Variants in TRMU observed in about 807,000 individuals in gnomAD.
The protein encoded by TRMU is mitochondrial tRNA-specific 2-thiouridylase 1.
A neutral mutation model predicts 46.9 loss-of-function variants in TRMU; 49 were observed. The ratio of observed to expected loss-of-function variants is 1.05; its 90% CI spans 0.83 to 1.33. The LOEUF (loss-of-function observed/expected upper bound fraction) is 1.33, where lower values mean the gene tolerates loss of function less well. Ranked by LOEUF, TRMU falls within the 40% of genes most tolerant of loss-of-function variation. TRMU has a pLI of 0.00. For missense variants in TRMU, 572 were observed against 532.4 expected (o/e 1.07, Z -0.73); for synonymous variants, 241 against 200.9 (o/e 1.20, Z -1.69).
chr22:46,341,219 G>C (rs1204301222), intron 2 of TRMU, among the ~76,000 whole-genome samples: 1 of 152,228 alleles, frequency 6.6e-6, no homozygotes, highest in Non-Finnish European at 1.5e-5. Context: ...AGGGTTAACA[G>C]TGTGTCTTTT....
chr22:46,344,546 TC>T (rs2078203088), intron 3 of TRMU, among the ~76,000 whole-genome samples: 1 of 152,158 alleles, frequency 6.6e-6, no homozygotes, highest in African/African-American at 2.4e-5. Context: ...GAGAAAGAGT[TC>T]CCTGAGGTGG....
Position 46,338,288 on chromosome 22 carries a change from A to G in TRMU, c.248+344A>G. 1 of 338,598 alleles carries G rather than the reference A, an allele frequency of 3.0e-6. No individual in the cohort carries two copies. The highest frequency in any genetic ancestry group is 5.8e-6 in the Non-Finnish European group (1 of 173,772). 21.0% of individuals were successfully genotyped at this position (338,598 alleles called of 1,614,324 possible). A position where few individuals can be genotyped will look rare whatever the true frequency, so the allele number is the denominator to read the frequency against. ...AGGTGAGCACCAATGCCTGTGTGCT[A>G]TGTGGGTCAGCGATTAGGGGATTTC... On this transcript the variant is annotated intron_variant, in intron 2 of 10. Coordinates refer to ENST00000645190, the MANE Select transcript of TRMU (RefSeq NM_018006.5). The surrounding 1 kb of genome is among the most constrained non-coding windows in gnomAD (Gnocchi z 4.5).
In TRMU at chr22:46,350,532, G is replaced by A. The variant is rs1344891747; in HGVS notation, c.651+69G>A. ...CCCGACTGCATGGCACGGAGCAGCT[G>A]GACCTGTGGGTCCCGCACCACTTCC... On this transcript the variant is annotated intron_variant, in intron 5 of 10. Transcript: ENST00000645190. This position sits in a 1 kb window ranked among gnomAD's most constrained non-coding sequence, Gnocchi z 4.6. 1 of 1,582,298 alleles carries A rather than the reference G, an allele frequency of 6.3e-7. No individual in the cohort carries two copies. Among genetic ancestry groups the A allele is most frequent in the Non-Finnish European group, 8.7e-7 (1 of 1,154,460 alleles).
chr22:46,346,280 A>C (rs748046660), intron 3 of TRMU, 142 bp from the exon 4 acceptor site: 308 of 969,222 alleles, frequency 3.2e-4, no homozygotes, highest in Non-Finnish European at 4.0e-4. Flanking sequence ...TGGGATCTCT[A>C]TGTTTGGGTG....
chr22:46,344,228 A>G (rs1601950637), intron 3 of TRMU, among the ~76,000 whole-genome samples: 1 of 152,192 alleles, frequency 6.6e-6, no homozygotes, highest in African/African-American at 2.4e-5. Context: ...AGGTGCCCCC[A>G]GGCTGACTGA....
At position 46,345,367 on chromosome 22, in the gene TRMU, C is replaced by T. The variant is rs530223059; in HGVS notation, c.356-1055C>T. ...GGGATGACAGGCGTGAGCCGCTGCG[C>T]CTGGCCCAAATATCTGGAATTTTTA... On this transcript the variant is annotated intron_variant, in intron 3 of 10. Coordinates refer to ENST00000645190, the MANE Select transcript of TRMU (RefSeq NM_018006.5). Among the ~76,000 whole-genome samples, 141 of 152,320 alleles carry T rather than the reference C, an allele frequency of 9.3e-4. No homozygotes were observed. The Middle Eastern group carries it at 0.017, about 18-fold the overall frequency.
Position 46,349,570 on chromosome 22 carries a change from T to A in TRMU, c.479-721T>A, listed in dbSNP as rs1246516640. ...AAAGAAGCCAGAAAACTGACGTTCG[T>A]CTTAGTTTTTTGCCATTGATCATTG... On this transcript the variant is annotated intron_variant, in intron 4 of 10. Coordinates refer to ENST00000645190, the MANE Select transcript of TRMU (RefSeq NM_018006.5). The surrounding 1 kb of genome is among the most constrained non-coding windows in gnomAD (Gnocchi z 4.6). Among the ~76,000 whole-genome samples the A allele has an allele frequency of 2.0e-5, 3 of 152,208 alleles. No individual in the cohort carries two copies. The highest frequency in any genetic ancestry group is 4.4e-5 in the Non-Finnish European group (3 of 68,030).
Position 46,347,476 on chromosome 22 carries a change from C to T in TRMU, c.478+932C>T, listed in dbSNP as rs1483047331. Reference sequence around the variant, plus strand: ...AAGTGATCCTCCCACCTCAGCCCCACCAAGTAGCTGGGACCACAGGTGTGC... The same window carrying T: ...AAGTGATCCTCCCACCTCAGCCCCATCAAGTAGCTGGGACCACAGGTGTGC... On this transcript the variant is annotated intron_variant, in intron 4 of 10. Coordinates refer to ENST00000645190, the MANE Select transcript of TRMU (RefSeq NM_018006.5). This position sits in a 1 kb window ranked among gnomAD's most constrained non-coding sequence, Gnocchi z 5.0. 6.6e-6 allele frequency: 1 copy of T among 152,212 alleles called. No individual in the cohort carries two copies. The highest frequency in any genetic ancestry group is 1.5e-5 in the Non-Finnish European group (1 of 68,088). The allele number at this position is 152,212 out of a possible 1,614,324, so 9.4% of individuals were successfully genotyped here.
chr22:46,351,953 G>A lies in TRMU; in HGVS notation c.652-168G>A, dbSNP rs2078439789. 6 of 781,872 alleles carry A rather than the reference G, an allele frequency of 7.7e-6. No homozygotes were observed. The highest frequency in any genetic ancestry group is 3.4e-5 in the African/African-American group (2 of 59,274). The allele number at this position is 781,872 out of a possible 1,614,324, so 48.4% of individuals were successfully genotyped here. A position where few individuals can be genotyped will look rare whatever the true frequency, so the allele number is the denominator to read the frequency against. On this transcript the variant is annotated intron_variant, in intron 5 of 10. Transcript: ENST00000645190. This position sits in a 1 kb window ranked among gnomAD's most constrained non-coding sequence, Gnocchi z 6.4. ...TCTCTAAGGCTCTGGCATCGTGTGC[G>A]CCGGCTGTGACTGGCGGCCGAGGGT...
In TRMU at chr22:46,337,935, A is replaced by T. The variant is rs1044953310; in HGVS notation, c.239A>T (p.Asp80Val). Residue 80 changes from aspartate (D) to valine (V), a missense_variant, in exon 2 of 11, where the codon GAT (aspartate) becomes GTT (valine). By Grantham distance (152) the Asp-to-Val change is radical. Coordinates refer to ENST00000645190, the MANE Select transcript of TRMU (RefSeq NM_018006.5). ...QVSYVKEYWN[D>V]VFSDFLNEYE... is the part of the protein sequence containing the mutation. ...TCCTACGTAAAGGAGTATTGGAATGATGTGTTCAGGTGAGTGCGGGTCACA... is the reference window on the plus strand; with the variant it reads ...TCCTACGTAAAGGAGTATTGGAATGTTGTGTTCAGGTGAGTGCGGGTCACA... 6.2e-7 allele frequency: 1 copy of T among 1,614,174 alleles called. No individual in the cohort carries two copies. The highest frequency in any genetic ancestry group is 2.2e-5 in the East Asian group (1 of 44,882).
At position 46,349,762 on chromosome 22, in the gene TRMU, A is replaced by C. The variant is rs971656650; in HGVS notation, c.479-529A>C. On this transcript the variant is annotated intron_variant, in intron 4 of 10. Transcript: ENST00000645190. This position sits in a 1 kb window ranked among gnomAD's most constrained non-coding sequence, Gnocchi z 4.6. ...AGACTCTCAACAAAAAAACGTTTTT[A>C]CCAAGAAAGCTAATGCCTTCACAGG... is the stretch of plus-strand genomic sequence containing the variant. 2.0e-5 allele frequency among the ~76,000 whole-genome samples: 3 copies of C among 152,238 alleles called. No individual in the cohort carries two copies. Among genetic ancestry groups the C allele is most frequent in the Admixed American group, 1.3e-4 (2 of 15,286 alleles).
At chr22:46,346,388 A>G in intron 3 of TRMU, 34 bp from the exon 4 acceptor site, 2 of 1,607,036 alleles carry the variant, frequency 1.2e-6, no homozygotes, top group Non-Finnish European at 1.7e-6. Context: ...GTATGAGTCT[A>G]AAACCTGATC....
intron 2 of TRMU, among the ~76,000 whole-genome samples, chr22:46,341,623 A>G (rs985097749): frequency 6.6e-5 from 10 of 152,174 alleles, no homozygotes; most frequent in African/African-American, 2.4e-4. Flanking sequence ...TAAATGAAAA[A>G]AATCACTTAT....
rs755535065 is a variant in TRMU, at chr22:46,356,007, C to CTCAA, written c.1041_1044dup (p.Asp349SerfsTer58). On this transcript the variant is annotated frameshift_variant, in exon 10 of 11. Coordinates refer to ENST00000645190, the MANE Select transcript of TRMU (RefSeq NM_018006.5). LOFTEE classifies it high-confidence loss of function. Reference sequence around the variant, plus strand: ...CTACCCAGTGCCCTGTGTGCTGACCCTCAATCAAGATGGCACCGTGTGGGT... The same window carrying CTCAA: ...CTACCCAGTGCCCTGTGTGCTGACCCTCAATCAATCAAGATGGCACCGTGTGGGT... 3 of 1,613,998 alleles carry CTCAA rather than the reference C, an allele frequency of 1.9e-6. No homozygotes were observed. The Admixed American group carries it at 5.0e-5, about 27-fold the overall frequency.
chr22:46,340,885 C>T (rs936987030), intron 2 of TRMU, among the ~76,000 whole-genome samples: 4 of 152,248 alleles, frequency 2.6e-5, no homozygotes, highest in African/African-American at 7.2e-5. Flanking sequence ...GGGCTGCCCC[C>T]GAGGTCGCCC....
At position 46,346,672 on chromosome 22, in the gene TRMU, G is replaced by A. The variant is rs191207067; in HGVS notation, c.478+128G>A. The stretch of plus-strand genomic sequence containing the variant: ...TCTGTGCTCCAGAGTAGCTTGTATG[G>A]GATTCACATTTGAAAAGGTGCAGTT... On this transcript the variant is annotated intron_variant, in intron 4 of 10. Coordinates refer to ENST00000645190, the MANE Select transcript of TRMU (RefSeq NM_018006.5). 41 of 1,174,146 alleles carry A rather than the reference G, an allele frequency of 3.5e-5. No homozygotes were observed. In the Admixed American group the frequency reaches 7.6e-4, roughly 22 times the overall value. 72.7% of individuals were successfully genotyped at this position (1,174,146 alleles called of 1,614,324 possible). A position where few individuals can be genotyped will look rare whatever the true frequency, so the allele number is the denominator to read the frequency against.
At position 46,355,462 on chromosome 22, in the gene TRMU, C is replaced by T. The variant is rs1200326913; in HGVS notation, c.892C>T (p.Pro298Ser). Reference sequence around the variant, plus strand: ...TCTGCAGGCCCCCCGGACAGACCACCCAGCCCTGTACAGGGACCTGCTGAG... The same window carrying T: ...TCTGCAGGCCCCCCGGACAGACCACTCAGCCCTGTACAGGGACCTGCTGAG... ...DVFVAPRTDHPALYRDLLRTS... is the reference protein window; with the variant it reads ...DVFVAPRTDHSALYRDLLRTS... The change falls in exon 9 of 11, where the codon CCA (proline) becomes TCA (serine). Residue 298 changes from proline to serine, a missense_variant. Physicochemically the swap from Pro to Ser is moderately conservative, Grantham distance 74. Transcript: ENST00000645190. 2 of 1,612,828 alleles carry T rather than the reference C, an allele frequency of 1.2e-6. No homozygotes were observed. Among genetic ancestry groups the T allele is most frequent in the East Asian group, 2.2e-5 (1 of 44,878 alleles).
rs1287630388 is a variant in TRMU, at chr22:46,348,223, T to A, written c.478+1679T>A. 1.3e-5 allele frequency among the ~76,000 whole-genome samples: 2 copies of A among 152,192 alleles called. No homozygotes were observed. Among genetic ancestry groups the A allele is most frequent in the African/African-American group, 4.8e-5 (2 of 41,442 alleles). On this transcript the variant is annotated intron_variant, in intron 4 of 10. Transcript: ENST00000645190. The surrounding 1 kb of genome is among the most constrained non-coding windows in gnomAD (Gnocchi z 4.8). ...AATTTCCATGTTGAATAGATGCGCC[T>A]GCTTACCTCCTAGAACATTACCTCC...
chr22:46,350,333 CCTT>C lies in TRMU; in HGVS notation c.525_527del (p.Phe176del), dbSNP rs762710723. 3.7e-6 allele frequency: 6 copies of C among 1,614,118 alleles called. No individual in the cohort carries two copies. In the Admixed American group the frequency reaches 5.0e-5, roughly 13 times the overall value. On this transcript the variant is annotated inframe_deletion, in exon 5 of 11. Transcript: ENST00000645190. This position sits in a 1 kb window ranked among gnomAD's most constrained non-coding sequence, Gnocchi z 4.6. ...GCAGCTGACAGCTTTAAAGACCAGA[CCTT>C]CTTTCTCAGCCAGGTTTCCCAGGAT...
Sources: allele counts gnomAD v4.1 joint callset (sites outside exome capture counted in the v4.1 genomes callset), GRCh38; gene constraint gnomAD v4.1.1; non-coding constraint Gnocchi (gnomAD v3.1); transcripts MANE v1.5; gene names NCBI Gene and HGNC (gene_info 2026-07-23, HGNC 2026-07-21).